ADCY9: variants seen among roughly 807,000 people sequenced by gnomAD.
The protein encoded by ADCY9 is adenylate cyclase 9.
Under a neutral mutation model 101.5 loss-of-function variants are expected in ADCY9, and 50 were observed. The observed-to-expected ratio is 0.49, with a 90% confidence interval of 0.39 to 0.62. The LOEUF (loss-of-function observed/expected upper bound fraction) is 0.62, where lower values mean the gene tolerates loss of function less well. Among genes scored for constraint, ADCY9 ranks in the 20% least tolerant of loss-of-function variants. The pLI, the probability that ADCY9 is intolerant of heterozygous loss-of-function variation, is 0.00. For missense variants in ADCY9, 1,662 were observed against 1,800.4 expected, an observed-to-expected ratio of 0.92 and a Z score of 1.39; for synonymous variants, 905 against 769.3, an observed-to-expected ratio of 1.18 and a Z score of -2.92.
chr16:4,006,184 G>A (rs766230375), intron 3 of ADCY9, among the ~76,000 whole-genome samples: 5 of 152,170 alleles, frequency 3.3e-5, no homozygotes, highest in Admixed American at 1.3e-4. Context: ...TGGGGAGTAG[G>A]GTACGGGTGG....
intron 2 of ADCY9, among the ~76,000 whole-genome samples, chr16:4,108,033 T>C (rs2057089042): frequency 6.6e-6 from 1 of 152,208 alleles, no homozygotes; most frequent in Admixed American, 6.5e-5. Flanking sequence ...TTTTAATTTC[T>C]GCATCTGACA....
chr16:4,095,919 G>T (rs1301108129), intron 2 of ADCY9, among the ~76,000 whole-genome samples: 1 of 148,336 alleles, frequency 6.7e-6, no homozygotes, highest in Admixed American at 6.8e-5. Context: ...GGAGTTTGCA[G>T]TGAGCTGAGA....
intron 2 of ADCY9, among the ~76,000 whole-genome samples, chr16:4,028,404 C>T (rs1426884327): frequency 1.3e-5 from 2 of 152,016 alleles, no homozygotes; most frequent in Non-Finnish European, 2.9e-5. Flanking sequence ...TCCACACCAC[C>T]GAATTTAACT....
rs1213327394 is a variant in ADCY9, at chr16:4,007,655, A to G, written c.1694-97T>C. On this transcript the variant is annotated intron_variant, in intron 2 of 10. Coordinates refer to ENST00000294016, the MANE Select transcript of ADCY9 (RefSeq NM_001116.4). ...CTCTGGAGAGGACTCACTCCTGGAA[A>G]GTTGAGAGTAAAGTGAAAATGTGAA... is the stretch of plus-strand genomic sequence containing the variant. 4.8e-6 allele frequency: 5 copies of G among 1,038,764 alleles called. No individual in the cohort carries two copies. In the East Asian group the frequency reaches 1.2e-4, roughly 26 times the overall value. 64.3% of individuals were successfully genotyped at this position (1,038,764 alleles called of 1,614,324 possible). A position where few individuals can be genotyped will look rare whatever the true frequency, so the allele number is the denominator to read the frequency against.
At chr16:4,090,125 C>T (rs1238337625) in intron 2 of ADCY9, among the ~76,000 whole-genome samples, 5 of 152,004 alleles carry the variant, frequency 3.3e-5, no homozygotes, top group East Asian at 1.9e-4. Context: ...AAATGTGTGC[C>T]GAGCGATACC....
At chr16:3,993,372 G>C in intron 4 of ADCY9, 34 bp downstream of exon 4, 1 of 1,608,340 alleles carries the variant, frequency 6.2e-7, no homozygotes. Context: ...GCCAGGAGAG[G>C]AACTGACAGG....
In ADCY9 at chr16:3,977,608, G is replaced by A. The variant is rs1597139296; in HGVS notation, c.2702C>T (p.Ala901Val). 1.2e-6 allele frequency: 2 copies of A among 1,612,572 alleles called. No homozygotes were observed. The highest frequency in any genetic ancestry group is 1.7e-6 in the Non-Finnish European group (2 of 1,179,736). ...NIHFPVFTGS[A>V]ALIAVVHYCN... ...GTAGTGCACGACGGCAATCAGCGCGGCCGAGCCTGTGAACACTGGGAACTG... is the reference window on the plus strand; with the variant it reads ...GTAGTGCACGACGGCAATCAGCGCGACCGAGCCTGTGAACACTGGGAACTG... Residue 901 changes from alanine (A) to valine (V), a missense_variant, in exon 9 of 11, where the codon GCC becomes GTC. Transcript: ENST00000294016.
intron 2 of ADCY9, among the ~76,000 whole-genome samples, chr16:4,016,818 G>A (rs889619680): frequency 6.6e-5 from 10 of 152,180 alleles, no homozygotes; most frequent in African/African-American, 2.4e-4. Flanking sequence ...GCTGCCATGG[G>A]TTTAGGAGAG....
chr16:4,064,661 T>C (rs1005975770), intron 2 of ADCY9, among the ~76,000 whole-genome samples: 1 of 152,026 alleles, frequency 6.6e-6, no homozygotes, highest in Non-Finnish European at 1.5e-5. Context: ...TATTTGTTTA[T>C]AGAGACAGGG....
chr16:4,110,977 G>A (rs2057110288), intron 2 of ADCY9, among the ~76,000 whole-genome samples: 1 of 152,046 alleles, frequency 6.6e-6, no homozygotes, highest in Middle Eastern at 3.2e-3. Flanking sequence ...CACGGATCCT[G>A]CTCCACGATC....
chr16:4,060,267 C>T (rs975902361), intron 2 of ADCY9, among the ~76,000 whole-genome samples: 5 of 152,156 alleles, frequency 3.3e-5, no homozygotes, highest in Admixed American at 6.5e-5. Context: ...GGAGCTATCA[C>T]GGGCAGTGGT....
rs55742993 is a variant in ADCY9, at chr16:4,074,716, C to CAAAAAAAAA, written c.1693+39025_1693+39033dup. The stretch of plus-strand genomic sequence containing the variant: ...TGGATGACAGGGCAATACCCAGTGG[C>CAAAAAAAAA]AAAAAAAAAAAAAAATAGAAAACAC... On this transcript the variant is annotated intron_variant, in intron 2 of 10. Transcript: ENST00000294016. Among the ~76,000 whole-genome samples the CAAAAAAAAA allele has an allele frequency of 1.1e-3, 114 of 100,364 alleles. 3 individuals are homozygous for CAAAAAAAAA. The highest frequency in any genetic ancestry group is 3.7e-3 in the African/African-American group (96 of 25,618). The allele number at this position is 100,364 out of a possible 152,430, so 65.8% of individuals were successfully genotyped here.
At chr16:3,986,179 C>A (rs1050165402) in intron 6 of ADCY9, among the ~76,000 whole-genome samples, 24 of 152,272 alleles carry the variant, frequency 1.6e-4, no homozygotes, top group African/African-American at 5.1e-4. Context: ...GCCTCAGTCT[C>A]TTTATCCAAA....
intron 2 of ADCY9, among the ~76,000 whole-genome samples, chr16:4,064,977 C>T (rs565135187): frequency 5.3e-5 from 8 of 152,168 alleles, no homozygotes; most frequent in South Asian, 2.1e-4. Context: ...ATGGAGAGAG[C>T]GAATACACAG....
intron 5 of ADCY9, among the ~76,000 whole-genome samples, chr16:3,990,713 G>A (rs771526314): frequency 7.9e-5 from 12 of 152,192 alleles, no homozygotes; most frequent in Non-Finnish European, 1.5e-4. Context: ...GAGCAACCAC[G>A]CAGCTGCAGA....
chr16:4,065,664 C>T (rs1328930998), intron 2 of ADCY9, among the ~76,000 whole-genome samples: 3 of 152,188 alleles, frequency 2.0e-5, no homozygotes, highest in South Asian at 2.1e-4. Flanking sequence ...CTCCACCTCC[C>T]GGATTTAAGC....
At chr16:4,012,183 C>T (rs1022095069) in intron 2 of ADCY9, among the ~76,000 whole-genome samples, 1 of 152,152 alleles carries the variant, frequency 6.6e-6, no homozygotes, top group Non-Finnish European at 1.5e-5. Flanking sequence ...GTGTCCACAA[C>T]GAGCAAAATC....
At chr16:4,105,758 G>A (rs2057073041) in intron 2 of ADCY9, among the ~76,000 whole-genome samples, 1 of 151,698 alleles carries the variant, frequency 6.6e-6, no homozygotes, top group African/African-American at 2.4e-5. Context: ...GACATGGAAG[G>A]ATCATCTGAG....
chr16:3,984,122 T>G (rs1021494979), intron 6 of ADCY9: 2 of 152,256 alleles, frequency 1.3e-5, no homozygotes, highest in African/African-American at 4.8e-5. Flanking sequence ...AGCAACTGAT[T>G]ATGACCCAGC....
Sources: allele counts gnomAD v4.1 joint callset (sites outside exome capture counted in the v4.1 genomes callset), GRCh38; gene constraint gnomAD v4.1.1; transcripts MANE v1.5; gene names NCBI Gene and HGNC (gene_info 2026-07-23, HGNC 2026-07-21).